The following RBFOX1 variants were observed in gnomAD, a reference collection of about 807,000 sequenced individuals.
RBFOX1 encodes the protein RNA binding protein fox-1 homolog 1.
In RBFOX1, 8 loss-of-function variants were observed where a neutral mutation model predicts 57.7. The ratio of observed to expected loss-of-function variants is 0.14; its 90% confidence interval spans 0.08 to 0.25. RBFOX1 has a LOEUF of 0.25. Among genes scored for constraint, RBFOX1 ranks in the 10% least tolerant of loss-of-function variants. RBFOX1 has a pLI of 1.00. For missense variants in RBFOX1, 611 were observed against 548.5 expected, an observed-to-expected ratio of 1.11 and a Z score of -1.14; for synonymous variants, 326 against 222.4, an observed-to-expected ratio of 1.47 and a Z score of -4.15.
chr16:7,289,851 G>T (rs2095730188), intron 4 of RBFOX1, among the ~76,000 whole-genome samples: 1 of 152,152 alleles, frequency 6.6e-6, no homozygotes, highest in Non-Finnish European at 1.5e-5. Flanking sequence ...TAAATAACTT[G>T]CCAAAAGCCA....
intron 4 of RBFOX1, among the ~76,000 whole-genome samples, chr16:7,482,487 TG>T (rs1359932070): frequency 3.1e-3 from 449 of 144,638 alleles, no homozygotes; most frequent in Non-Finnish European, 5.2e-3. Context: ...TTGTTGTTGT[TG>T]TTGTTGTTTC....
chr16:6,862,537 C>A (rs1315897975), intron 3 of RBFOX1, among the ~76,000 whole-genome samples: 1 of 152,212 alleles, frequency 6.6e-6, no homozygotes, highest in Non-Finnish European at 1.5e-5. Context: ...GGAGGTGATA[C>A]TTAACCAGCA....
intron 1 of RBFOX1, among the ~76,000 whole-genome samples, chr16:6,054,916 G>A (rs1038193337): frequency 6.6e-6 from 1 of 152,060 alleles, no homozygotes; most frequent in Non-Finnish European, 1.5e-5. Context: ...CCAAGTAGCT[G>A]GGACTGCAGG....
At chr16:7,190,100 C>G (rs904033975) in intron 4 of RBFOX1, among the ~76,000 whole-genome samples, 2 of 152,238 alleles carry the variant, frequency 1.3e-5, no homozygotes, top group African/African-American at 4.8e-5. Flanking sequence ...GTGGCTCACT[C>G]CTGTAATCCC....
intron 3 of RBFOX1, among the ~76,000 whole-genome samples, chr16:6,823,520 G>A (rs1481455877): frequency 2.1e-5 from 3 of 145,342 alleles, no homozygotes; most frequent in African/African-American, 8.6e-5. Context: ...GTCTCCCAAA[G>A]TGCTGGTATT....
At chr16:7,182,029 A>G (rs950507339) in intron 4 of RBFOX1, among the ~76,000 whole-genome samples, 2 of 152,234 alleles carry the variant, frequency 1.3e-5, no homozygotes, top group Non-Finnish European at 2.9e-5. Context: ...TATACATGAC[A>G]CAAATCACTG....
chr16:6,988,512 A>T (rs2090775720), intron 3 of RBFOX1, among the ~76,000 whole-genome samples: 1 of 151,944 alleles, frequency 6.6e-6, no homozygotes, highest in African/African-American at 2.4e-5. Context: ...TTTTAAAATT[A>T]GTCTTACCTG....
chr16:6,831,457 C>T (rs959878705), intron 3 of RBFOX1, among the ~76,000 whole-genome samples: 2 of 152,176 alleles, frequency 1.3e-5, no homozygotes, highest in African/African-American at 4.8e-5. Context: ...CCTCAGCAAA[C>T]CCTCCAACCA....
intron 1 of RBFOX1, among the ~76,000 whole-genome samples, chr16:5,441,811 C>T (rs1308141524): frequency 6.6e-6 from 1 of 152,132 alleles, no homozygotes; most frequent in African/African-American, 2.4e-5. Context: ...GGGGAAGCCT[C>T]TTATAAAACC....
chr16:6,572,790 C>T (rs532393569), intron 2 of RBFOX1, among the ~76,000 whole-genome samples: 37 of 152,224 alleles, frequency 2.4e-4, no homozygotes, highest in African/African-American at 8.9e-4. Flanking sequence ...AACGGGGTTT[C>T]ACCATGTTGG....
At chr16:7,689,990 G>T (rs1287521153) in intron 14 of RBFOX1, among the ~76,000 whole-genome samples, 1 of 152,108 alleles carries the variant, frequency 6.6e-6, no homozygotes, top group Non-Finnish European at 1.5e-5. Context: ...TGGCCAAACA[G>T]AAGCTGCAAA....
intron 3 of RBFOX1, among the ~76,000 whole-genome samples, chr16:6,918,845 A>T (rs374730685): frequency 6.6e-6 from 1 of 152,188 alleles, no homozygotes; most frequent in African/African-American, 2.4e-5. Flanking sequence ...TCAGTGCAAC[A>T]CATTGCAGGC....
chr16:5,759,497 C>G (rs958601584), intron 3 of RBFOX1, among the ~76,000 whole-genome samples: 8 of 152,242 alleles, frequency 5.3e-5, no homozygotes, highest in African/African-American at 1.9e-4. Context: ...GCATACACCT[C>G]TCAGGCTCAC....
At chr16:7,263,900 C>CAA (rs1376049203) in intron 4 of RBFOX1, among the ~76,000 whole-genome samples, 1 of 125,328 alleles carries the variant, frequency 8.0e-6, no homozygotes, top group African/African-American at 3.1e-5. Context: ...AACTCAGTCT[C>CAA]AAAATATATA....
At chr16:7,314,819 C>T (rs1234586246) in intron 4 of RBFOX1, among the ~76,000 whole-genome samples, 1 of 152,146 alleles carries the variant, frequency 6.6e-6, no homozygotes, top group African/African-American at 2.4e-5. Context: ...GATCTTTAAA[C>T]AAAGGGGTTT....
rs55755626 is a variant in RBFOX1, at chr16:6,489,699, G to T, written c.-63-164904G>T. On this transcript the variant is annotated intron_variant, in intron 2 of 15. Transcript: ENST00000550418. Reference sequence around the variant, plus strand: ...GAGGAAAACGGACTTACCTGTTTTTGAAAGAGCATGAGTGATAATGCTCAC... The same window carrying T: ...GAGGAAAACGGACTTACCTGTTTTTTAAAGAGCATGAGTGATAATGCTCAC... 2.3e-4 allele frequency among the ~76,000 whole-genome samples: 35 copies of T among 152,070 alleles called. 1 individual carries two copies. The highest frequency in any genetic ancestry group is 4.4e-4 in the Non-Finnish European group (30 of 68,016).
intron 4 of RBFOX1, among the ~76,000 whole-genome samples, chr16:5,958,613 T>G (rs1418725117): frequency 6.6e-6 from 1 of 152,232 alleles, no homozygotes; most frequent in Admixed American, 6.5e-5. Flanking sequence ...TTTTCTGTTG[T>G]AACAAATTAC....
intron 4 of RBFOX1, among the ~76,000 whole-genome samples, chr16:7,315,733 G>A (rs2096423484): frequency 1.3e-5 from 2 of 152,002 alleles, no homozygotes; most frequent in Admixed American, 1.3e-4. Context: ...GAAAGCAGGT[G>A]TCCAGCAAAT....
At chr16:7,018,077 A>C (rs938342583) in intron 3 of RBFOX1, among the ~76,000 whole-genome samples, 7 of 152,010 alleles carry the variant, frequency 4.6e-5, no homozygotes, top group African/African-American at 1.7e-4. Context: ...GCCAACCTGC[A>C]TGTACACCCA....
Sources: gnomAD v4.1 joint callset for allele counts (sites outside exome capture counted in the v4.1 genomes callset) on GRCh38, gnomAD v4.1.1 for gene constraint, MANE v1.5 for transcripts, NCBI Gene and HGNC (gene_info 2026-07-23, HGNC 2026-07-21) for gene names.